Variants in ZMYND8 observed in about 807,000 individuals in gnomAD.
The protein encoded by ZMYND8 is MYND-type zinc finger-containing chromatin reader ZMYND8.
Under a neutral mutation model 140.8 loss-of-function variants are expected in ZMYND8, and 37 were observed. That is an observed-to-expected ratio of 0.26 (90% CI 0.20 to 0.35). The LOEUF (loss-of-function observed/expected upper bound fraction) is 0.35, where lower values mean the gene tolerates loss of function less well. Ranked by LOEUF, ZMYND8 falls within the 10% of genes least tolerant of loss-of-function variation. The pLI, the probability that ZMYND8 is intolerant of heterozygous loss-of-function variation, is 1.00. For synonymous variants in ZMYND8, 592 were observed against 597.1 expected (o/e 0.99, Z 0.12); for missense variants, 1,068 against 1,570.0 (o/e 0.68, Z 5.40).
At position 47,249,276 on chromosome 20, in the gene ZMYND8, C is replaced by T. The variant is rs372775141; in HGVS notation, c.1774+11G>A. Reference sequence around the variant, plus strand: ...TACTGCTGGAAAAAAAAAACAAAACCAAAGGTATACCTAATTGTGCTTTGC... The same window carrying T: ...TACTGCTGGAAAAAAAAAACAAAACTAAAGGTATACCTAATTGTGCTTTGC... On this transcript the variant is annotated intron_variant, in intron 13 of 22. Coordinates refer to ENST00000471951, the MANE Select transcript of ZMYND8 (RefSeq NM_001281775.3). 3.4e-5 allele frequency: 54 copies of T among 1,604,890 alleles called. No individual in the cohort carries two copies. Among genetic ancestry groups the T allele is most frequent in the Non-Finnish European group, 4.2e-5 (50 of 1,176,680 alleles).
At chr20:47,236,100 G>A (rs1243627137) in intron 16 of ZMYND8, among the ~76,000 whole-genome samples, 1 of 152,162 alleles carries the variant, frequency 6.6e-6, no homozygotes, top group African/African-American at 2.4e-5. Context: ...TTTATGAACT[G>A]ACTTTAGAAT....
intron 2 of ZMYND8, among the ~76,000 whole-genome samples, chr20:47,344,692 T>C (rs2082193640): frequency 1.3e-5 from 2 of 151,858 alleles, no homozygotes; most frequent in Admixed American, 1.3e-4. Context: ...CACTAGTGTA[T>C]GATGTTAATA....
intron 2 of ZMYND8, among the ~76,000 whole-genome samples, chr20:47,333,476 ATCCCAACAC>A (rs2081116759): frequency 6.6e-6 from 1 of 152,060 alleles, no homozygotes; most frequent in Non-Finnish European, 1.5e-5. Flanking sequence ...CTCATCTGTA[ATCCCAACAC>A]TTTGGGAGGC....
At chr20:47,312,783 C>G (rs193193978) in intron 2 of ZMYND8, among the ~76,000 whole-genome samples, 3 of 149,376 alleles carry the variant, frequency 2.0e-5, no homozygotes, top group Admixed American at 2.0e-4. Flanking sequence ...GAGCGAGACT[C>G]CGTCTCAAAA....
chr20:47,276,997 C>T (rs1031143591), intron 10 of ZMYND8, among the ~76,000 whole-genome samples: 2 of 148,322 alleles, frequency 1.3e-5, no homozygotes, highest in Non-Finnish European at 3.0e-5. Context: ...ACATGAACAA[C>T]AAAACTTCGG....
chr20:47,314,853 C>T (rs561197534), intron 2 of ZMYND8, among the ~76,000 whole-genome samples: 2 of 152,320 alleles, frequency 1.3e-5, no homozygotes, highest in Non-Finnish European at 2.9e-5. Context: ...CCTCTCAGGG[C>T]CTCAGGGCCT....
chr20:47,329,696 G>A (rs945659966), intron 2 of ZMYND8, among the ~76,000 whole-genome samples: 3 of 152,136 alleles, frequency 2.0e-5, no homozygotes, highest in South Asian at 2.1e-4. Context: ...GAGCCACCAC[G>A]CCTGGCTTGT....
intron 11 of ZMYND8, among the ~76,000 whole-genome samples, chr20:47,274,473 C>T (rs1427650949): frequency 3.9e-5 from 6 of 152,162 alleles, no homozygotes; most frequent in African/African-American, 1.2e-4. Flanking sequence ...AAAGCATGCT[C>T]TTTATGGGAA....
chr20:47,348,878 G>T, intron 1 of ZMYND8: 1 of 152,348 alleles, frequency 6.6e-6, no homozygotes, highest in Non-Finnish European at 1.5e-5. Context: ...CAAACATTCA[G>T]GCTGACACTG....
chr20:47,339,818 G>C (rs1239670323), intron 2 of ZMYND8, among the ~76,000 whole-genome samples: 2 of 152,138 alleles, frequency 1.3e-5, no homozygotes, highest in African/African-American at 4.8e-5. Flanking sequence ...TGTGAGCAAA[G>C]TTCATCTTAG....
chr20:47,342,534 C>A (rs1204610365), intron 2 of ZMYND8, among the ~76,000 whole-genome samples: 1 of 142,594 alleles, frequency 7.0e-6, no homozygotes, highest in Non-Finnish European at 1.5e-5. Context: ...GGAGACAGAG[C>A]GAGATTCTGT....
chr20:47,227,081 C>T (rs1212104093), intron 18 of ZMYND8, 122 bp downstream of exon 18: 5 of 1,053,726 alleles, frequency 4.7e-6, no homozygotes, highest in African/African-American at 3.1e-5. Context: ...CTGTGGTCTC[C>T]CTACGAGTCA....
intron 8 of ZMYND8, chr20:47,285,607 G>C: frequency 1.1e-6 from 1 of 882,266 alleles, no homozygotes; most frequent in Non-Finnish European, 1.4e-6. Context: ...ATTGTAACTG[G>C]AACATCTGAC....
intron 2 of ZMYND8, among the ~76,000 whole-genome samples, chr20:47,338,318 A>G (rs1442951973): frequency 7.2e-5 from 11 of 152,038 alleles, no homozygotes; most frequent in Admixed American, 5.9e-4. Context: ...CTTCACACCA[A>G]CAGACCACCT....
intron 3 of ZMYND8, 36 bp downstream of exon 3, chr20:47,310,020 C>T: frequency 2.5e-6 from 4 of 1,613,338 alleles, no homozygotes; most frequent in Non-Finnish European, 3.4e-6. Context: ...GCCTCTGTCC[C>T]ACCAGTGAGG....
At chr20:47,270,718 A>AG (rs1555961410) in intron 11 of ZMYND8, among the ~76,000 whole-genome samples, 13 of 148,760 alleles carry the variant, frequency 8.7e-5, no homozygotes, top group African/African-American at 3.2e-4. Flanking sequence ...AAAAAAAAAA[A>AG]AGAAAGAAAG....
intron 8 of ZMYND8, among the ~76,000 whole-genome samples, chr20:47,286,706 C>G (rs2076944147): frequency 6.6e-6 from 1 of 152,198 alleles, no homozygotes; most frequent in Non-Finnish European, 1.5e-5. Context: ...TGGCTGCCAG[C>G]CTGTCCCACA....
chr20:47,307,361 A>G (rs1453468583), intron 3 of ZMYND8, among the ~76,000 whole-genome samples: 3 of 151,912 alleles, frequency 2.0e-5, no homozygotes, highest in African/African-American at 7.2e-5. Context: ...AGGAGGCTGA[A>G]GCAGGAGAAT....
intron 16 of ZMYND8, 94 bp downstream of exon 16, chr20:47,236,232 A>G: frequency 1.4e-6 from 2 of 1,477,570 alleles, no homozygotes; most frequent in Admixed American, 2.0e-5. Flanking sequence ...AAAGACTGCA[A>G]GGTTAAGACG....
Sources: gnomAD v4.1 joint callset for allele counts (sites outside exome capture counted in the v4.1 genomes callset) on GRCh38, gnomAD v4.1.1 for gene constraint, MANE v1.5 for transcripts, NCBI Gene and HGNC (gene_info 2026-07-23, HGNC 2026-07-21) for gene names.